The following BAZ1B variants were observed in gnomAD, a reference collection of about 807,000 sequenced individuals.
BAZ1B encodes the protein tyrosine-protein kinase BAZ1B.
In BAZ1B, 22 loss-of-function variants were observed where a neutral mutation model predicts 153.8. The observed-to-expected ratio is 0.14, with a 90% confidence interval of 0.10 to 0.20. The LOEUF is 0.20. BAZ1B is among the 10% of genes least tolerant of loss of function. The probability of loss-of-function intolerance (pLI) is 1.00; values close to 1 mark genes in which losing one functional copy is unlikely to be tolerated. For missense variants in BAZ1B, 1,325 were observed against 1,799.3 expected (o/e 0.74, Z 4.77); for synonymous variants, 676 against 633.4 (o/e 1.07, Z -1.01).
chr7:73,506,659 C>T (rs1790355237), intron 3 of BAZ1B, among the ~76,000 whole-genome samples: 2 of 150,542 alleles, frequency 1.3e-5, no homozygotes, highest in South Asian at 4.2e-4. Flanking sequence ...CAAGACCAGC[C>T]TGACCAACAT....
At chr7:73,485,919 T>G (rs1554574422) in intron 6 of BAZ1B, among the ~76,000 whole-genome samples, 9 of 152,192 alleles carry the variant, frequency 5.9e-5, no homozygotes. Flanking sequence ...AAAATAGGGC[T>G]GCAATGTATT....
Position 73,469,585 on chromosome 7 carries a change from A to G in BAZ1B, c.2798T>C (p.Ile933Thr), listed in dbSNP as rs375964784. Reference sequence around the variant, plus strand: ...GCAGTGATGGTTGAATCGGTAGTCAATGCTGTCATGTACCCAGCCTTTTTC... The same window carrying G: ...GCAGTGATGGTTGAATCGGTAGTCAGTGCTGTCATGTACCCAGCCTTTTTC... ...FIEKGWVHDSIDYRFNHHCKD... is the reference protein window; with the variant it reads ...FIEKGWVHDSTDYRFNHHCKD... Residue 933 changes from isoleucine to threonine, a missense_variant, in exon 9 of 20, where the codon ATT becomes ACT. Transcript: ENST00000339594. The G allele has an allele frequency of 2.0e-5, 33 of 1,614,046 alleles. No homozygotes were observed. Among genetic ancestry groups the G allele is most frequent in the Non-Finnish European group, 2.7e-5 (32 of 1,180,012 alleles).
intron 15 of BAZ1B, among the ~76,000 whole-genome samples, chr7:73,447,689 T>C (rs1787888703): frequency 1.3e-5 from 2 of 152,154 alleles, no homozygotes; most frequent in Admixed American, 6.5e-5. Context: ...TACAAAACAC[T>C]GTTTCTTTTG....
intron 3 of BAZ1B, among the ~76,000 whole-genome samples, chr7:73,501,882 C>T (rs550480441): frequency 6.7e-6 from 1 of 149,104 alleles, no homozygotes; most frequent in Non-Finnish European, 1.5e-5. Context: ...TAGTTCTTAT[C>T]AAGAATTTTT....
rs569775806 is a variant in BAZ1B, at chr7:73,502,643, G to C, written c.370-3945C>G. 3.3e-5 allele frequency among the ~76,000 whole-genome samples: 5 copies of C among 152,178 alleles called. No individual in the cohort carries two copies. The East Asian group carries it at 9.7e-4, about 29-fold the overall frequency. ...AAAAAAAAAAAAATACAATTAGCCAGGCATTATAGCTACAGTCCCAGCTAC... is the reference window on the plus strand; with the variant it reads ...AAAAAAAAAAAAATACAATTAGCCACGCATTATAGCTACAGTCCCAGCTAC... On this transcript the variant is annotated intron_variant, in intron 3 of 19. Coordinates refer to ENST00000339594, the MANE Select transcript of BAZ1B (RefSeq NM_032408.4).
intron 15 of BAZ1B, among the ~76,000 whole-genome samples, chr7:73,448,923 G>A (rs996770931): frequency 6.6e-6 from 1 of 152,218 alleles, no homozygotes; most frequent in Admixed American, 6.5e-5. Context: ...CAATAGTTGG[G>A]TGGATAAGAG....
intron 1 of BAZ1B, among the ~76,000 whole-genome samples, chr7:73,514,139 C>CT: frequency 6.6e-6 from 1 of 152,248 alleles, no homozygotes; most frequent in African/African-American, 2.4e-5. Context: ...GGCTCAAAAA[C>CT]TTTCAGATTT....
chr7:73,516,484 A>C (rs145846092), intron 1 of BAZ1B, among the ~76,000 whole-genome samples: 4,736 of 152,156 alleles, frequency 0.031, 149 homozygotes, highest in Non-Finnish European at 0.037. Flanking sequence ...TGCCTAGTCA[A>C]ACTGATTATA....
intron 6 of BAZ1B, among the ~76,000 whole-genome samples, chr7:73,487,974 T>C (rs1391006458): frequency 6.6e-6 from 1 of 152,180 alleles, no homozygotes; most frequent in Non-Finnish European, 1.5e-5. Context: ...AGAAATAAAA[T>C]TACTTTTCAA....
At chr7:73,463,220 C>A in intron 11 of BAZ1B, 121 bp from the exon 12 acceptor site, 1 of 920,550 alleles carries the variant, frequency 1.1e-6, no homozygotes, top group Non-Finnish European at 1.6e-6. Flanking sequence ...TCACCTCTCC[C>A]TGGTGTTTTT....
intron 1 of BAZ1B, among the ~76,000 whole-genome samples, chr7:73,513,217 T>C (rs369311321): frequency 2.2e-4 from 33 of 152,308 alleles, no homozygotes; most frequent in African/African-American, 7.7e-4. Flanking sequence ...TCTCCCAAAG[T>C]TATGGGATTA....
At chr7:73,446,389 A>T (rs1448439262) in intron 16 of BAZ1B, among the ~76,000 whole-genome samples, 1 of 152,132 alleles carries the variant, frequency 6.6e-6, no homozygotes, top group African/African-American at 2.4e-5. Flanking sequence ...GTTCGAGACC[A>T]GCCTGGCCAA....
chr7:73,443,874 A>C, intron 17 of BAZ1B, 110 bp downstream of exon 17: 1 of 1,524,218 alleles, frequency 6.6e-7, no homozygotes, highest in Non-Finnish European at 8.9e-7. Flanking sequence ...TTTGGTAAGA[A>C]GGAGGAGGGG....
intron 7 of BAZ1B, among the ~76,000 whole-genome samples, chr7:73,476,497 G>A (rs1176339947): frequency 6.6e-6 from 1 of 152,110 alleles, no homozygotes; most frequent in East Asian, 1.9e-4. Context: ...AGTGAGGCAC[G>A]GATAAGTAAT....
In BAZ1B at chr7:73,442,529, G is replaced by A. The variant is rs782424974; in HGVS notation, c.4119C>T (p.Ala1373=). Residue 1373 remains alanine, a synonymous_variant, in exon 19 of 20, where the codon GCC becomes GCT. Transcript: ENST00000339594. ...PFREPVTRDE[A]EDYYDVITHP... is the part of the protein sequence containing the mutation. ...GCGTGATCACATCATAGTAGTCCTC[G>A]GCCTCATCTCTGGTCACAGGCTCCC... The A allele has an allele frequency of 3.1e-5, 50 of 1,612,044 alleles. No homozygotes were observed. The Middle Eastern group carries it at 4.9e-4, about 16-fold the overall frequency.
intron 13 of BAZ1B, among the ~76,000 whole-genome samples, chr7:73,452,724 GA>G (rs1268068593): frequency 4.9e-3 from 403 of 81,908 alleles, no homozygotes; most frequent in African/African-American, 0.013. Flanking sequence ...TTCATCTCGA[GA>G]AAAAAAAAAA....
chr7:73,504,580 T>C (rs1233481384), intron 3 of BAZ1B, among the ~76,000 whole-genome samples: 1 of 151,660 alleles, frequency 6.6e-6, no homozygotes, highest in Admixed American at 6.6e-5. Flanking sequence ...AGGAGAATGG[T>C]ATGAACCCGG....
chr7:73,508,870 G>A (rs782254910), intron 2 of BAZ1B, among the ~76,000 whole-genome samples: 8 of 152,182 alleles, frequency 5.3e-5, no homozygotes, highest in Non-Finnish European at 1.0e-4. Context: ...AAAATTAGCC[G>A]GCCATGGTGG....
rs1373694957 is a variant in BAZ1B, at chr7:73,486,097, C to A, written c.891+3097G>T. ...AAATGGAACTTCAAGAAATGAATAG[C>A]CAGTTACCTATTATATGCAACATAC... On this transcript the variant is annotated intron_variant, in intron 6 of 19. Coordinates refer to ENST00000339594, the MANE Select transcript of BAZ1B (RefSeq NM_032408.4). 2.0e-5 allele frequency among the ~76,000 whole-genome samples: 3 copies of A among 152,206 alleles called. 1 individual carries two copies. The East Asian group carries it at 5.8e-4, about 29-fold the overall frequency.
Sources: gnomAD v4.1 joint callset for allele counts (sites outside exome capture counted in the v4.1 genomes callset) on GRCh38, gnomAD v4.1.1 for gene constraint, MANE v1.5 for transcripts, NCBI Gene and HGNC (gene_info 2026-07-23, HGNC 2026-07-21) for gene names.